PRPF19: variants seen among roughly 807,000 people sequenced by gnomAD.
PRPF19 encodes the protein pre-mRNA processing factor 19.
In PRPF19, 2 loss-of-function variants were observed where a neutral mutation model predicts 64.2. That is an observed-to-expected ratio of 0.03 (90% CI 0.01 to 0.10). The LOEUF is 0.10. PRPF19 is among the 10% of genes least tolerant of loss of function. The pLI, the probability that PRPF19 is intolerant of heterozygous loss-of-function variation, is 1.00. For missense variants in PRPF19, 314 were observed against 650.0 expected (o/e 0.48, Z 5.62); for synonymous variants, 226 against 251.6 (o/e 0.90, Z 0.96).
At chr11:60,901,064 C>T (rs1855979120) in intron 8 of PRPF19, 135 bp from the exon 9 acceptor site, 1 of 1,086,566 alleles carries the variant, frequency 9.2e-7, no homozygotes, top group Non-Finnish European at 1.4e-6. Flanking sequence ...CTTATCCATA[C>T]CTCTTGGCTA....
In PRPF19 at chr11:60,902,560, G is replaced by A. The variant is rs777778153; in HGVS notation, c.462+23C>T. 6.2e-7 allele frequency: 1 copy of A among 1,610,722 alleles called. No homozygotes were observed. The highest frequency in any genetic ancestry group is 8.5e-7 in the Non-Finnish European group (1 of 1,176,900). ...GGCCACTGTACACAAATGGGCTGCT[G>A]GTAAGGGAAGGGGGACACTTACCAC... On this transcript the variant is annotated intron_variant, in intron 5 of 15. Coordinates refer to ENST00000227524, the MANE Select transcript of PRPF19 (RefSeq NM_014502.5). This position sits in a 1 kb window ranked among gnomAD's most constrained non-coding sequence, Gnocchi z 5.0.
At chr11:60,903,969 T>C in intron 1 of PRPF19, 108 bp from the exon 2 acceptor site, 3 of 1,361,570 alleles carry the variant, frequency 2.2e-6, no homozygotes, top group East Asian at 2.4e-5. Context: ...CACACTCAAC[T>C]AGCAGAAAGC....
Position 60,906,411 on chromosome 11 carries a change from C to G in PRPF19, c.-29G>C. 6.4e-7 allele frequency: 1 copy of G among 1,557,938 alleles called. No homozygotes were observed. The highest frequency in any genetic ancestry group is 1.2e-5 in the South Asian group (1 of 85,374). On this transcript the variant is annotated 5_prime_UTR_variant, in exon 1 of 16. Transcript: ENST00000227524. The stretch of plus-strand genomic sequence containing the variant: ...GCCGTCACCGTGCTCCGAGGCGCCA[C>G]ACGCCGGGCTCCGGGACTAGCTTCT...
rs1426808982 is a variant in PRPF19, at chr11:60,891,201, C to T, written c.1480G>A (p.Gly494Ser). 1 of 1,611,860 alleles carries T rather than the reference C, an allele frequency of 6.2e-7. No individual in the cohort carries two copies. Reference protein sequence around the residue: ...GHHAKFIASTGMDRSLKFYSL With the variant: ...GHHAKFIASTSMDRSLKFYSL The stretch of plus-strand genomic sequence containing the variant: ...TAGAACTTGAGGCTTCTGTCCATGC[C>T]TGTTGAAGCGATGAACTTGGCGTGA... Residue 494 changes from glycine (G) to serine (S), a missense_variant, in exon 16 of 16, where the codon GGC (glycine) becomes AGC (serine). This residue lies in a region of PRPF19 where 47 missense variants were observed against 94.5 expected (regional missense o/e 0.50). Coordinates refer to ENST00000227524, the MANE Select transcript of PRPF19 (RefSeq NM_014502.5).
Position 60,898,899 on chromosome 11 carries a change from A to G in PRPF19, c.1017T>C (p.Arg339=), listed in dbSNP as rs781257192. Residue 339 remains arginine (R), a synonymous_variant, in exon 12 of 16, where the codon CGT becomes CGC. Transcript: ENST00000227524. The surrounding 1 kb of genome is among the most constrained non-coding windows in gnomAD (Gnocchi z 4.6). ...TCTCATCTGTCACCTTGGTGAGCAC[A>G]CGCCCTGTCTGGATGTCAGAGAAAG... The part of the protein sequence containing the change: ...YWAFSDIQTG[R]VLTKVTDETS... 8 of 1,605,290 alleles carry G rather than the reference A, an allele frequency of 5.0e-6. No individual in the cohort carries two copies. The highest frequency in any genetic ancestry group is 6.8e-6 in the Non-Finnish European group (8 of 1,175,770).
At chr11:60,897,275 C>T (rs1404535885) in intron 15 of PRPF19, among the ~76,000 whole-genome samples, 1 of 152,162 alleles carries the variant, frequency 6.6e-6, no homozygotes, top group Non-Finnish European at 1.5e-5. Flanking sequence ...ATTTAATATG[C>T]TGTACCGGTT....
intron 15 of PRPF19, among the ~76,000 whole-genome samples, chr11:60,893,772 TG>T (rs1855890585): frequency 6.6e-6 from 1 of 152,116 alleles, no homozygotes; most frequent in Non-Finnish European, 1.5e-5. Flanking sequence ...CTGGCCAACA[TG>T]GGGAAACCCC....
In PRPF19 at chr11:60,903,771, T is replaced by A. The variant is rs1856011521; in HGVS notation, c.110A>T (p.Asn37Ile). 6.2e-7 allele frequency: 1 copy of A among 1,605,046 alleles called. No homozygotes were observed. Among genetic ancestry groups the A allele is most frequent in the South Asian group, 1.1e-5 (1 of 90,446 alleles). The change falls in exon 2 of 16, where the codon AAT becomes ATT. Residue 37 changes from asparagine to isoleucine, a missense_variant. This residue lies in a region of PRPF19 where 66 missense variants were observed against 88.4 expected (regional missense o/e 0.75). Coordinates refer to ENST00000227524, the MANE Select transcript of PRPF19 (RefSeq NM_014502.5). ...CTGGTTGTTGATGGGGTCGGTACCA[T>A]TCTCCGCAATGTACTTCTCGATGAG... ...RRLIEKYIAE[N>I]GTDPINNQPL...
rs963457556 is a variant in PRPF19, at chr11:60,898,331, G to T, written c.1141-60C>A. 6 of 1,581,360 alleles carry T rather than the reference G, an allele frequency of 3.8e-6. No individual in the cohort carries two copies. The African/African-American group carries it at 8.1e-5, about 21-fold the overall frequency. On this transcript the variant is annotated intron_variant, in intron 13 of 15. Transcript: ENST00000227524. The surrounding 1 kb of genome is among the most constrained non-coding windows in gnomAD (Gnocchi z 4.6). Reference sequence around the variant, plus strand: ...ACAGATCATGAGAGGAAGAAAATGGGGCTCACCAAACTCCTACCTGAGATG... The same window carrying T: ...ACAGATCATGAGAGGAAGAAAATGGTGCTCACCAAACTCCTACCTGAGATG...
At position 60,902,408 on chromosome 11, in the gene PRPF19, G is replaced by C. The variant is rs747979895; in HGVS notation, c.520C>G (p.Gln174Glu). 2 of 1,613,874 alleles carry C rather than the reference G, an allele frequency of 1.2e-6. No individual in the cohort carries two copies. The highest frequency in any genetic ancestry group is 1.7e-6 in the Non-Finnish European group (2 of 1,179,896). The change falls in exon 6 of 16, where the codon CAG (glutamine) becomes GAG (glutamate). Residue 174 changes from glutamine to glutamate, a missense_variant. Around this residue, in one of 7 missense-constraint regions of PRPF19, gnomAD observed 175 missense variants for 342.9 expected, o/e 0.51. Coordinates refer to ENST00000227524, the MANE Select transcript of PRPF19 (RefSeq NM_014502.5). This position sits in a 1 kb window ranked among gnomAD's most constrained non-coding sequence, Gnocchi z 5.0. ...ELVGMTPEII[Q>E]KLQDKATVLT... is the part of the protein sequence containing the mutation. The stretch of plus-strand genomic sequence containing the variant: ...CAGGTGAGAGCAGGACTTACCTTCT[G>C]AATAATCTCTGGGGTCATTCCCACC...
chr11:60,903,575 G>A (rs1311269694), intron 2 of PRPF19, 40 bp from the exon 3 acceptor site: 1 of 1,606,956 alleles, frequency 6.2e-7, no homozygotes, highest in Non-Finnish European at 8.5e-7. Flanking sequence ...CATAACCCAG[G>A]GGCCTCCCCC....
In PRPF19 at chr11:60,898,533, T is replaced by C; in HGVS notation, c.1140+8A>G. The C allele has an allele frequency of 6.2e-7, 1 of 1,614,062 alleles. No homozygotes were observed. The highest frequency in any genetic ancestry group is 8.5e-7 in the Non-Finnish European group (1 of 1,179,984). Reference sequence around the variant, plus strand: ...CTGGGCCTCAGATGGAGGCCTACCATGTCCTACCTTCAAGTCCCAGATCTT... The same window carrying C: ...CTGGGCCTCAGATGGAGGCCTACCACGTCCTACCTTCAAGTCCCAGATCTT... On this transcript the variant is annotated splice_region_variant and intron_variant, in intron 13 of 15. Coordinates refer to ENST00000227524, the MANE Select transcript of PRPF19 (RefSeq NM_014502.5). The surrounding 1 kb of genome is among the most constrained non-coding windows in gnomAD (Gnocchi z 4.6).
At position 60,897,901 on chromosome 11, in the gene PRPF19, G is replaced by A. The variant is rs1225091061; in HGVS notation, c.1362C>T (p.Gly454=). The stretch of plus-strand genomic sequence containing the variant: ...TGCAGATGTAGATCTGGACATCCGT[G>A]CCCCCAAGAGCCAGGTAGGTACCAC... The part of the protein sequence containing the change: ...DQSGTYLALG[G]TDVQIYICKQ... The change falls in exon 15 of 16, where the codon GGC becomes GGT. Residue 454 remains glycine (G), a synonymous_variant. Coordinates refer to ENST00000227524, the MANE Select transcript of PRPF19 (RefSeq NM_014502.5). The A allele has an allele frequency of 1.2e-6, 2 of 1,613,896 alleles. No homozygotes were observed. Among genetic ancestry groups the A allele is most frequent in the East Asian group, 2.2e-5 (1 of 44,884 alleles).
In PRPF19 at chr11:60,898,060, G is replaced by T. The variant is rs1855941703; in HGVS notation, c.1311+41C>A. ...AATTCAATAAATAATTGACAAACAA[G>T]GAGACACAATGGAAAGCTGGGCGGA... On this transcript the variant is annotated intron_variant, in intron 14 of 15. Transcript: ENST00000227524. This position sits in a 1 kb window ranked among gnomAD's most constrained non-coding sequence, Gnocchi z 4.6. 6.2e-7 allele frequency: 1 copy of T among 1,609,134 alleles called. No individual in the cohort carries two copies. Among genetic ancestry groups the T allele is most frequent in the African/African-American group, 1.3e-5 (1 of 74,720 alleles).
rs1855941469 is a variant in PRPF19 at position 60,898,015 on chromosome 11, T to C, written c.1312-64A>G. ...ACAGAAACTATGGGGCAGTTGCGGA[T>C]AAGCAGAAGCAATTAGATTAATTCA... On this transcript the variant is annotated intron_variant, in intron 14 of 15. Transcript: ENST00000227524. This position sits in a 1 kb window ranked among gnomAD's most constrained non-coding sequence, Gnocchi z 4.6. 1.2e-6 allele frequency: 2 copies of C among 1,608,180 alleles called. No homozygotes were observed. The highest frequency in any genetic ancestry group is 2.7e-5 in the African/African-American group (2 of 74,588).
At position 60,902,361 on chromosome 11, in the gene PRPF19, A is replaced by G. The variant is rs1855992261; in HGVS notation, c.525+42T>C. 1 of 1,570,322 alleles carries G rather than the reference A, an allele frequency of 6.4e-7. No individual in the cohort carries two copies. The highest frequency in any genetic ancestry group is 2.2e-5 in the East Asian group (1 of 44,668). ...GGACTCCAGACAGATGGTGAAAAGT[A>G]AGGGCCCATCAGCACTCCCACCAGG... On this transcript the variant is annotated intron_variant, in intron 6 of 15. Coordinates refer to ENST00000227524, the MANE Select transcript of PRPF19 (RefSeq NM_014502.5). This position sits in a 1 kb window ranked among gnomAD's most constrained non-coding sequence, Gnocchi z 5.0.
At chr11:60,893,391 C>G (rs1184645136) in intron 15 of PRPF19, among the ~76,000 whole-genome samples, 1 of 151,870 alleles carries the variant, frequency 6.6e-6, no homozygotes, top group African/African-American at 2.4e-5. Context: ...GAAGTCCCAG[C>G]TACTCGGGAG....
At position 60,898,016 on chromosome 11, in the gene PRPF19, A is replaced by G; in HGVS notation, c.1312-65T>C. On this transcript the variant is annotated intron_variant, in intron 14 of 15. Coordinates refer to ENST00000227524, the MANE Select transcript of PRPF19 (RefSeq NM_014502.5). The surrounding 1 kb of genome is among the most constrained non-coding windows in gnomAD (Gnocchi z 4.6). ...CAGAAACTATGGGGCAGTTGCGGATAAGCAGAAGCAATTAGATTAATTCAA... is the reference window on the plus strand; with the variant it reads ...CAGAAACTATGGGGCAGTTGCGGATGAGCAGAAGCAATTAGATTAATTCAA... 2 of 1,607,490 alleles carry G rather than the reference A, an allele frequency of 1.2e-6. No individual in the cohort carries two copies. Among genetic ancestry groups the G allele is most frequent in the East Asian group, 2.2e-5 (1 of 44,810 alleles).
At chr11:60,894,876 G>T (rs1855902815) in intron 15 of PRPF19, among the ~76,000 whole-genome samples, 1 of 152,232 alleles carries the variant, frequency 6.6e-6, no homozygotes. Flanking sequence ...GTAATGAGGT[G>T]CACTGTAATA....
Sources: allele counts gnomAD v4.1 joint callset (sites outside exome capture counted in the v4.1 genomes callset), GRCh38; gene constraint gnomAD v4.1.1; regional missense constraint gnomAD v4.1.1; non-coding constraint Gnocchi (gnomAD v3.1); transcripts MANE v1.5; gene names NCBI Gene and HGNC (gene_info 2026-07-23, HGNC 2026-07-21).